The following FBP1 variants were observed in gnomAD, a reference collection of about 807,000 sequenced individuals.
FBP1 encodes fructose-bisphosphatase 1, also known as fructose-1,6-bisphosphatase 1.
Under a neutral mutation model 29.9 loss-of-function variants are expected in FBP1, and 22 were observed. The ratio of observed to expected loss-of-function variants is 0.74; its 90% CI spans 0.53 to 1.05. The LOEUF is 1.05. Ranked by LOEUF, FBP1 falls within the 50% of genes least tolerant of loss-of-function variation. The pLI, the probability that FBP1 is intolerant of heterozygous loss-of-function variation, is 0.00. For synonymous variants in FBP1, 175 were observed against 178.6 expected, an observed-to-expected ratio of 0.98 and a Z score of 0.16; for missense variants, 345 against 448.2, an observed-to-expected ratio of 0.77 and a Z score of 2.08.
In FBP1 at chr9:94,639,448, A is replaced by T; in HGVS notation, c.-138T>A. 4.0e-6 allele frequency: 4 copies of T among 990,380 alleles called. No individual in the cohort carries two copies. The highest frequency in any genetic ancestry group is 6.2e-6 in the Non-Finnish European group (4 of 649,768). 61.3% of individuals were successfully genotyped at this position (990,380 alleles called of 1,614,324 possible). ...GCGGGCGGCAGGTGCGGGCCGCGGG[A>T]CCTGGCGGGAGGACTGACAGACCGA... is the stretch of plus-strand genomic sequence containing the variant. On this transcript the variant is annotated 5_prime_UTR_variant, in exon 1 of 7. Coordinates refer to ENST00000375326, the MANE Select transcript of FBP1 (RefSeq NM_000507.4).
At chr9:94,629,839 G>A (rs960537944) in intron 1 of FBP1, among the ~76,000 whole-genome samples, 7 of 152,164 alleles carry the variant, frequency 4.6e-5, no homozygotes, top group Non-Finnish European at 8.8e-5. Flanking sequence ...CTAAAACCTC[G>A]ATCTTAAGAG....
intron 2 of FBP1, among the ~76,000 whole-genome samples, chr9:94,619,387 C>T (rs1209987806): frequency 1.3e-5 from 2 of 152,128 alleles, no homozygotes; most frequent in African/African-American, 4.8e-5. Context: ...AGATAGTAAG[C>T]CCATATAACT....
At chr9:94,608,294 G>A (rs746236707) in intron 4 of FBP1, among the ~76,000 whole-genome samples, 7 of 152,234 alleles carry the variant, frequency 4.6e-5, no homozygotes, top group Non-Finnish European at 8.8e-5. Flanking sequence ...GCCCCGTCAG[G>A]CACCGCAGAC....
At chr9:94,617,707 G>C in intron 3 of FBP1, 61 bp downstream of exon 3, 1 of 1,071,024 alleles carries the variant, frequency 9.3e-7, no homozygotes, top group Non-Finnish European at 1.5e-6. Context: ...AGTGAAATAG[G>C]ACTGGATGCT....
intron 3 of FBP1, among the ~76,000 whole-genome samples, chr9:94,615,142 T>C (rs1338863780): frequency 6.6e-6 from 1 of 152,126 alleles, no homozygotes; most frequent in Non-Finnish European, 1.5e-5. Flanking sequence ...TCTCCTGACC[T>C]CGTGATCCGC....
chr9:94,627,368 G>A (rs1042322186), intron 1 of FBP1, among the ~76,000 whole-genome samples: 47 of 152,086 alleles, frequency 3.1e-4, no homozygotes, highest in Admixed American at 2.4e-3. Context: ...GAAAGAAAAA[G>A]AAAAGAAATT....
At chr9:94,638,859 A>T (rs918176681) in intron 1 of FBP1, among the ~76,000 whole-genome samples, 56 of 152,168 alleles carry the variant, frequency 3.7e-4, no homozygotes, top group Non-Finnish European at 1.6e-4. Flanking sequence ...CAGGCTGCTC[A>T]GGGCAGAGAA....
chr9:94,639,571 C>T (rs1048238505), upstream of FBP1: 3 of 575,808 alleles, frequency 5.2e-6, no homozygotes, highest in Non-Finnish European at 9.3e-6. Flanking sequence ...GTCGGCCCCC[C>T]GCCCCCGGGA....
chr9:94,612,698 A>G lies in FBP1; in HGVS notation c.427-2637T>C, dbSNP rs577929610. On this transcript the variant is annotated intron_variant, in intron 3 of 6. Transcript: ENST00000375326. ...CAGCCTCCCAAGTAGCTGGGATTAC[A>G]GGCGCCCACCACCACGCCTGGCTAA... Among the ~76,000 whole-genome samples, 4 of 151,552 alleles carry G rather than the reference A, an allele frequency of 2.6e-5. No individual in the cohort carries two copies. In the East Asian group the frequency reaches 7.8e-4, roughly 29 times the overall value.
intron 6 of FBP1, chr9:94,603,941 C>T (rs1355560409): frequency 5.9e-6 from 2 of 340,768 alleles, no homozygotes; most frequent in Admixed American, 4.0e-5. Context: ...GATGGAGCTT[C>T]GCCTATTCTA....
intron 1 of FBP1, among the ~76,000 whole-genome samples, chr9:94,634,624 T>C (rs768050220): frequency 6.6e-6 from 1 of 152,216 alleles, no homozygotes; most frequent in Non-Finnish European, 1.5e-5. Flanking sequence ...TGACTTCAAG[T>C]TGCAGACTGT....
intron 1 of FBP1, among the ~76,000 whole-genome samples, chr9:94,624,737 GA>G (rs1827999263): frequency 6.6e-6 from 1 of 152,226 alleles, no homozygotes; most frequent in Admixed American, 6.5e-5. Context: ...TGACTCCAGA[GA>G]AGAGCTGTTT....
rs142561508 is a variant in FBP1 at position 94,620,466 on chromosome 9, C to A, written c.196G>T (p.Val66Leu). The change falls in exon 2 of 7, where the codon GTG (valine) becomes TTG (leucine). Residue 66 changes from valine (V) to leucine (L), a missense_variant. Val to Leu is a conservative substitution (Grantham distance 32). Transcript: ENST00000375326. ...AGCTTCTTAACTTGATCACCTGTCA[C>A]GTTGGTAGAACCAGCAATGCCATAG... ...HLYGIAGSTN[V>L]TGDQVKKLDV... 5.6e-6 allele frequency: 9 copies of A among 1,614,018 alleles called. No homozygotes were observed.
At chr9:94,625,822 T>C (rs1272057338) in intron 1 of FBP1, among the ~76,000 whole-genome samples, 1 of 150,608 alleles carries the variant, frequency 6.6e-6, no homozygotes, top group East Asian at 2.0e-4. Flanking sequence ...GCTGCCCGCG[T>C]CCACCAAACC....
chr9:94,638,274 G>A (rs889744455), intron 1 of FBP1, among the ~76,000 whole-genome samples: 2 of 152,082 alleles, frequency 1.3e-5, no homozygotes, highest in Non-Finnish European at 2.9e-5. Flanking sequence ...CCCACCACAG[G>A]AGAACTTCTT....
intron 1 of FBP1, among the ~76,000 whole-genome samples, chr9:94,632,010 G>A (rs1828110666): frequency 6.6e-6 from 1 of 152,022 alleles, no homozygotes; most frequent in Non-Finnish European, 1.5e-5. Context: ...TTCACTCCTT[G>A]GTCATGTGGA....
intron 2 of FBP1, among the ~76,000 whole-genome samples, chr9:94,618,847 G>C (rs560270611): frequency 6.6e-6 from 1 of 152,108 alleles, no homozygotes; most frequent in African/African-American, 2.4e-5. Flanking sequence ...TAAAATCAAC[G>C]ATGGGAGAGT....
intron 1 of FBP1, among the ~76,000 whole-genome samples, chr9:94,626,109 C>T (rs1039619505): frequency 1.3e-5 from 2 of 152,208 alleles, no homozygotes; most frequent in Non-Finnish European, 2.9e-5. Context: ...CCCCAGTAAG[C>T]GTCCTTCCCC....
At chr9:94,623,531 C>CG (rs1381125161) in intron 1 of FBP1, among the ~76,000 whole-genome samples, 2 of 152,160 alleles carry the variant, frequency 1.3e-5, no homozygotes, top group South Asian at 2.1e-4. Flanking sequence ...AGGGACAGCT[C>CG]GGGGGGCCGG....
Sources: gnomAD v4.1 joint callset for allele counts (sites outside exome capture counted in the v4.1 genomes callset) on GRCh38, gnomAD v4.1.1 for gene constraint, MANE v1.5 for transcripts, NCBI Gene and HGNC (gene_info 2026-07-23, HGNC 2026-07-21) for gene names.